DISC1: variants seen among roughly 807,000 people sequenced by gnomAD.
DISC1 encodes DISC1 scaffold protein.
In DISC1, 57 loss-of-function variants were observed where a neutral mutation model predicts 84.5. The observed-to-expected ratio is 0.67, with a 90% CI of 0.55 to 0.84. DISC1 has a LOEUF of 0.84. DISC1 is among the 40% of genes least tolerant of loss of function. The pLI is 0.00. For synonymous variants in DISC1, 411 were observed against 415.2 expected (o/e 0.99, Z 0.12); for missense variants, 1,000 against 1,057.8 (o/e 0.95, Z 0.76).
intron 10 of DISC1, among the ~76,000 whole-genome samples, chr1:231,995,172 G>A (rs557016925): frequency 6.6e-6 from 1 of 151,930 alleles, no homozygotes; most frequent in African/African-American, 2.4e-5. Context: ...TTCTGAATTG[G>A]AGGTTAAGTT....
intron 1 of DISC1, among the ~76,000 whole-genome samples, chr1:231,690,040 T>A (rs961844916): frequency 6.6e-6 from 1 of 152,210 alleles, no homozygotes; most frequent in Non-Finnish European, 1.5e-5. Context: ...TCCGGCTGGT[T>A]AATATTGGCT....
intron 2 of DISC1, among the ~76,000 whole-genome samples, chr1:231,699,146 C>T (rs1035359399): frequency 2.0e-5 from 3 of 152,178 alleles, no homozygotes; most frequent in African/African-American, 7.2e-5. Flanking sequence ...TTAGGGAGTC[C>T]TACAAGAGCG....
intron 9 of DISC1, among the ~76,000 whole-genome samples, chr1:231,876,005 A>G (rs1343191623): frequency 6.6e-6 from 1 of 152,146 alleles, no homozygotes; most frequent in African/African-American, 2.4e-5. Flanking sequence ...ATGACTGATA[A>G]ATGTGGGCTG....
chr1:232,012,679 C>T (rs911983993), intron 11 of DISC1, among the ~76,000 whole-genome samples: 2 of 152,174 alleles, frequency 1.3e-5, no homozygotes, highest in African/African-American at 2.4e-5. Flanking sequence ...GATGAGTTTT[C>T]AAAGCCTTTC....
chr1:231,691,091 T>G (rs1376917174), intron 1 of DISC1, among the ~76,000 whole-genome samples: 3 of 152,130 alleles, frequency 2.0e-5, no homozygotes, highest in Non-Finnish European at 4.4e-5. Flanking sequence ...GGAACCTGGC[T>G]TGCAGGATTT....
At chr1:231,821,019 T>C (rs572850569) in intron 9 of DISC1, among the ~76,000 whole-genome samples, 7 of 152,242 alleles carry the variant, frequency 4.6e-5, no homozygotes, top group Non-Finnish European at 1.0e-4. Context: ...TCACTTAAAA[T>C]ATCATTGTAT....
At chr1:231,877,443 G>A (rs1053163065) in intron 9 of DISC1, among the ~76,000 whole-genome samples, 2 of 152,146 alleles carry the variant, frequency 1.3e-5, no homozygotes, top group Non-Finnish European at 1.5e-5. Flanking sequence ...CAAGATACAC[G>A]CATTCAGAAT....
intron 1 of DISC1, among the ~76,000 whole-genome samples, chr1:231,693,618 G>C (rs970960982): frequency 6.6e-6 from 1 of 152,320 alleles, no homozygotes; most frequent in Non-Finnish European, 1.5e-5. Context: ...GAGATGCTGT[G>C]TTGATTTCTA....
intron 3 of DISC1, among the ~76,000 whole-genome samples, chr1:231,703,663 C>T (rs2066682788): frequency 1.3e-5 from 2 of 152,168 alleles, no homozygotes; most frequent in Admixed American, 1.3e-4. Context: ...AAATGGAGAC[C>T]TCACTTCTTT....
At chr1:231,739,966 G>A (rs1305935572) in intron 3 of DISC1, among the ~76,000 whole-genome samples, 2 of 152,174 alleles carry the variant, frequency 1.3e-5, no homozygotes, top group Non-Finnish European at 2.9e-5. Flanking sequence ...AGGAGGTGGA[G>A]TGTTTGGGAG....
At chr1:231,689,130 C>G (rs2064675959) in intron 1 of DISC1, among the ~76,000 whole-genome samples, 1 of 152,176 alleles carries the variant, frequency 6.6e-6, no homozygotes, top group Admixed American at 6.5e-5. Context: ...GATTAAAATT[C>G]CTTCCCTGAA....
chr1:231,700,059 C>T (rs2066215132), intron 2 of DISC1, among the ~76,000 whole-genome samples: 1 of 152,150 alleles, frequency 6.6e-6, no homozygotes. Flanking sequence ...TAAATGTCAC[C>T]ATCTCAAGGA....
intron 9 of DISC1, among the ~76,000 whole-genome samples, chr1:231,840,164 A>G (rs769237971): frequency 1.3e-5 from 2 of 152,214 alleles, no homozygotes; most frequent in Non-Finnish European, 2.9e-5. Context: ...GAGCAGGCCA[A>G]TTGCTCATAC....
Position 231,947,026 on chromosome 1 carries a change from C to T in DISC1, c.1982-11802C>T, listed in dbSNP as rs574536732. On this transcript the variant is annotated intron_variant, in intron 9 of 12. Transcript: ENST00000439617. Reference sequence around the variant, plus strand: ...AAGCAATATCATCAAAGTCACCATACTGCCCAAAGTAATTTATAGATTCAA... The same window carrying T: ...AAGCAATATCATCAAAGTCACCATATTGCCCAAAGTAATTTATAGATTCAA... Among the ~76,000 whole-genome samples, 3 of 152,300 alleles carry T rather than the reference C, an allele frequency of 2.0e-5. No homozygotes were observed. In the South Asian group the frequency reaches 6.2e-4, roughly 32 times the overall value.
At chr1:231,790,078 G>A (rs4275438) in intron 6 of DISC1, among the ~76,000 whole-genome samples, 151,602 of 152,270 alleles carry the variant, frequency 1, 75,471 homozygotes, top group Middle Eastern at 1. Context: ...TTCTACACAC[G>A]TTTATTGTAG....
chr1:231,907,421 G>A (rs910886222), intron 9 of DISC1, among the ~76,000 whole-genome samples: 10 of 151,322 alleles, frequency 6.6e-5, no homozygotes, highest in African/African-American at 2.4e-4. Flanking sequence ...GCAGTGTTTG[G>A]TTTTCTGTCC....
At chr1:231,894,683 C>T (rs1451606955) in intron 9 of DISC1, among the ~76,000 whole-genome samples, 1 of 151,462 alleles carries the variant, frequency 6.6e-6, no homozygotes, top group African/African-American at 2.4e-5. Flanking sequence ...ATAATTTTGT[C>T]TTTTTACATA....
intron 9 of DISC1, among the ~76,000 whole-genome samples, chr1:231,833,526 A>G (rs1410581836): frequency 4.0e-5 from 6 of 151,770 alleles, no homozygotes; most frequent in African/African-American, 7.3e-5. Flanking sequence ...GCCTTGGGCC[A>G]GAGTTCCAGG....
At chr1:231,664,654 C>T (rs2061856162) in intron 1 of DISC1, among the ~76,000 whole-genome samples, 3 of 152,054 alleles carry the variant, frequency 2.0e-5, no homozygotes. Flanking sequence ...TTGATTTTAG[C>T]CCAGTGAGAC....
Sources: gnomAD v4.1 joint callset for allele counts (sites outside exome capture counted in the v4.1 genomes callset) on GRCh38, gnomAD v4.1.1 for gene constraint, MANE v1.5 for transcripts, NCBI Gene and HGNC (gene_info 2026-07-23, HGNC 2026-07-21) for gene names.